The following AGBL1 variants were observed in gnomAD, a reference collection of about 807,000 sequenced individuals.
The protein encoded by AGBL1 is AGBL carboxypeptidase 1.
In AGBL1, 130 loss-of-function variants were observed where a neutral mutation model predicts 118.9. That is an observed-to-expected ratio of 1.09 (90% CI 0.95 to 1.26). AGBL1 has a LOEUF of 1.26. AGBL1 is among the 50% of genes most tolerant of loss of function. The probability of loss-of-function intolerance (pLI) is 0.00; values close to 1 mark genes in which losing one functional copy is unlikely to be tolerated. For missense variants in AGBL1, 1,584 were observed against 1,298.1 expected, an observed-to-expected ratio of 1.22 and a Z score of -3.38; for synonymous variants, 555 against 478.9, an observed-to-expected ratio of 1.16 and a Z score of -2.08.
intron 17 of AGBL1, among the ~76,000 whole-genome samples, chr15:86,338,716 G>T (rs1283201626): frequency 6.6e-6 from 1 of 152,092 alleles, no homozygotes; most frequent in Non-Finnish European, 1.5e-5. Flanking sequence ...CAGGATAAAT[G>T]GTTTGAATGG....
chr15:86,668,923 T>A (rs1223185475), intron 21 of AGBL1, among the ~76,000 whole-genome samples: 2 of 152,136 alleles, frequency 1.3e-5, no homozygotes, highest in Admixed American at 6.6e-5. Context: ...CAGCCCTCCT[T>A]CAAGCAGATT....
chr15:86,638,342 G>C (rs575998773), intron 21 of AGBL1, among the ~76,000 whole-genome samples: 2 of 152,260 alleles, frequency 1.3e-5, no homozygotes, highest in Admixed American at 6.5e-5. Flanking sequence ...GTGGGATCTG[G>C]CTCTTTGTAA....
chr15:86,206,639 C>T (rs540513300), intron 5 of AGBL1, among the ~76,000 whole-genome samples: 8 of 152,172 alleles, frequency 5.3e-5, no homozygotes, highest in Non-Finnish European at 1.0e-4. Context: ...TTCATATCCT[C>T]TCCCACTTTG....
chr15:86,343,416 G>T (rs1007058701), intron 17 of AGBL1, among the ~76,000 whole-genome samples: 7 of 152,068 alleles, frequency 4.6e-5, no homozygotes, highest in Non-Finnish European at 8.8e-5. Flanking sequence ...GAGGCTAGGG[G>T]TCTTCCAGCT....
chr15:86,254,701 C>G (rs1318027855), intron 7 of AGBL1, among the ~76,000 whole-genome samples: 1 of 152,016 alleles, frequency 6.6e-6, no homozygotes, highest in East Asian at 1.9e-4. Flanking sequence ...TTTTTTGATG[C>G]AAAGCACAAG....
At chr15:86,208,293 T>C (rs536142619) in intron 5 of AGBL1, among the ~76,000 whole-genome samples, 277 of 152,312 alleles carry the variant, frequency 1.8e-3, no homozygotes, top group African/African-American at 6.1e-3. Flanking sequence ...TTTTTTGTTG[T>C]GTCTCTGCCA....
At chr15:86,127,520 A>T (rs1258037402) in intron 1 of AGBL1, among the ~76,000 whole-genome samples, 1 of 152,224 alleles carries the variant, frequency 6.6e-6, no homozygotes, top group Non-Finnish European at 1.5e-5. Context: ...AGCAAGGGAA[A>T]GATGGCATCC....
chr15:86,965,671 C>A (rs571959635), intron 23 of AGBL1, among the ~76,000 whole-genome samples: 1 of 152,102 alleles, frequency 6.6e-6, no homozygotes, highest in African/African-American at 2.4e-5. Context: ...TACTATGCAG[C>A]CATAAAAAAG....
At chr15:86,586,693 A>ACATACAG (rs2084253417) in intron 21 of AGBL1, among the ~76,000 whole-genome samples, 2 of 152,152 alleles carry the variant, frequency 1.3e-5, no homozygotes, top group African/African-American at 4.8e-5. Flanking sequence ...AATCATAAAT[A>ACATACAG]AATTCCTGGG....
At chr15:86,791,574 A>G (rs1208088433) in intron 22 of AGBL1, among the ~76,000 whole-genome samples, 1 of 151,942 alleles carries the variant, frequency 6.6e-6, no homozygotes, top group Non-Finnish European at 1.5e-5. Flanking sequence ...CTACCTTCAC[A>G]TTGCTTTTCT....
chr15:86,939,254 C>T (rs958629042), intron 23 of AGBL1, among the ~76,000 whole-genome samples: 1 of 152,214 alleles, frequency 6.6e-6, no homozygotes, highest in African/African-American at 2.4e-5. Context: ...GTCTAATCAG[C>T]TGCCAGCTCA....
At chr15:86,451,965 G>T (rs1268864473) in intron 18 of AGBL1, among the ~76,000 whole-genome samples, 2 of 152,056 alleles carry the variant, frequency 1.3e-5, no homozygotes, top group Non-Finnish European at 2.9e-5. Flanking sequence ...CAACATTGAT[G>T]ATTTTATTAT....
At position 86,326,345 on chromosome 15, in the gene AGBL1, G is replaced by A. The variant is rs373851267; in HGVS notation, c.2374+30937G>A. Among the ~76,000 whole-genome samples the A allele has an allele frequency of 4.4e-4, 67 of 152,056 alleles. 1 individual carries two copies. The highest frequency in any genetic ancestry group is 1.5e-3 in the African/African-American group (64 of 41,466). ...CTCTCTCTTAGCCATCTGGTGTGGGGGAAAAACAGTTCCATTACATTCTTT... is the reference window on the plus strand; with the variant it reads ...CTCTCTCTTAGCCATCTGGTGTGGGAGAAAAACAGTTCCATTACATTCTTT... On this transcript the variant is annotated intron_variant, in intron 17 of 22. Coordinates refer to ENST00000614907, the MANE Select transcript of AGBL1 (RefSeq NM_001386094.1).
chr15:86,834,134 C>T (rs552138717), intron 22 of AGBL1, among the ~76,000 whole-genome samples: 4 of 152,198 alleles, frequency 2.6e-5, no homozygotes, highest in South Asian at 2.1e-4. Context: ...AGCCCTATGT[C>T]GGGATACCAG....
intron 18 of AGBL1, among the ~76,000 whole-genome samples, chr15:86,467,584 AC>A (rs2082423508): frequency 6.6e-6 from 1 of 152,054 alleles, no homozygotes; most frequent in Non-Finnish European, 1.5e-5. Context: ...TGTTCTTGAA[AC>A]CCAGGGCACT....
intron 22 of AGBL1, among the ~76,000 whole-genome samples, chr15:86,741,083 G>A (rs1427521056): frequency 6.6e-6 from 1 of 151,848 alleles, no homozygotes; most frequent in Non-Finnish European, 1.5e-5. Flanking sequence ...CTCTATGTGG[G>A]CAGAACACTA....
At chr15:86,676,192 A>G (rs1350797779) in intron 22 of AGBL1, among the ~76,000 whole-genome samples, 8 of 152,158 alleles carry the variant, frequency 5.3e-5, no homozygotes, top group East Asian at 1.9e-4. Context: ...TAATATGTCT[A>G]CTTTGAATAT....
intron 22 of AGBL1, among the ~76,000 whole-genome samples, chr15:86,732,013 G>C (rs764933850): frequency 5.3e-5 from 8 of 152,204 alleles, no homozygotes; most frequent in Non-Finnish European, 8.8e-5. Flanking sequence ...CATGAAGATT[G>C]AGAGGAAGGT....
Position 86,579,563 on chromosome 15 carries a change from G to A in AGBL1, c.2994+25026G>A, listed in dbSNP as rs544044758. 3.9e-5 allele frequency among the ~76,000 whole-genome samples: 6 copies of A among 152,238 alleles called. No individual in the cohort carries two copies. In the East Asian group the frequency reaches 1.2e-3, roughly 29 times the overall value. ...AACTTGATTTTTGGGCACTTATTGG[G>A]GAATTGTAGCAGAAGTAAGCAATGG... On this transcript the variant is annotated intron_variant, in intron 21 of 22. Coordinates refer to ENST00000614907, the MANE Select transcript of AGBL1 (RefSeq NM_001386094.1).
Sources: gnomAD v4.1 joint callset for allele counts (sites outside exome capture counted in the v4.1 genomes callset) on GRCh38, gnomAD v4.1.1 for gene constraint, MANE v1.5 for transcripts, NCBI Gene and HGNC (gene_info 2026-07-23, HGNC 2026-07-21) for gene names.